Variants in PCDHGA8 observed in about 807,000 individuals in gnomAD.
PCDHGA8 encodes protocadherin gamma subfamily A, 8.
A neutral mutation model predicts 59.2 loss-of-function variants in PCDHGA8; 45 were observed. The observed-to-expected ratio is 0.76, with a 90% confidence interval of 0.60 to 0.98. The LOEUF (loss-of-function observed/expected upper bound fraction) is 0.98. PCDHGA8 is among the 50% of genes least tolerant of loss of function. The pLI is 0.00. For missense variants in PCDHGA8, 1,257 were observed against 1,196.2 expected (o/e 1.05, Z -0.75); for synonymous variants, 531 against 519.0 (o/e 1.02, Z -0.32).
At chr5:141,427,944 A>C (rs780874108) in intron 1 of PCDHGA8, 63 of 1,586,294 alleles carry the variant, frequency 4.0e-5, no homozygotes, top group Non-Finnish European at 8.6e-6. Context: ...GGGCGACCTC[A>C]ATGACAATGT....
At chr5:141,494,522 G>C (rs2099754911) in intron 1 of PCDHGA8, among the ~76,000 whole-genome samples, 1 of 152,196 alleles carries the variant, frequency 6.6e-6, no homozygotes, top group Non-Finnish European at 1.5e-5. Flanking sequence ...CAGGAGTTCT[G>C]ACTCTGGGGG....
At position 141,493,444 on chromosome 5, in the gene PCDHGA8, G is replaced by T. The variant is rs2099748313; in HGVS notation, c.2425-1363G>T. On this transcript the variant is annotated intron_variant, in intron 1 of 3. Transcript: ENST00000398604. This position sits in a 1 kb window ranked among gnomAD's most constrained non-coding sequence, Gnocchi z 4.3. ...GCTTCTGCTGGGATGGGGCAAGGGT[G>T]GGGTTCCTTCCCTTTTAGGACCTTA... Among the ~76,000 whole-genome samples, 1 of 152,174 alleles carries T rather than the reference G, an allele frequency of 6.6e-6. No homozygotes were observed. Among genetic ancestry groups the T allele is most frequent in the South Asian group, 2.1e-4 (1 of 4,826 alleles).
intron 1 of PCDHGA8, chr5:141,419,136 A>G: frequency 1.9e-6 from 3 of 1,613,918 alleles, no homozygotes; most frequent in Non-Finnish European, 1.7e-6. Context: ...GCAGCCACAG[A>G]CAGGGGCAAG....
intron 1 of PCDHGA8, among the ~76,000 whole-genome samples, chr5:141,444,880 G>A (rs527554886): frequency 6.6e-6 from 1 of 152,150 alleles, no homozygotes; most frequent in Non-Finnish European, 1.5e-5. Context: ...AAGCTTGTAG[G>A]ATTTTTGAAT....
chr5:141,476,078 C>G lies in PCDHGA8; in HGVS notation c.2425-18729C>G. On this transcript the variant is annotated intron_variant, in intron 1 of 3. Transcript: ENST00000398604. The surrounding 1 kb of genome is among the most constrained non-coding windows in gnomAD (Gnocchi z 7.6). ...AAGTTTCTCAGCGAAATCTCAGGGA[C>G]GATCTGGACCCCGCTGAGAGGAACT... is the stretch of plus-strand genomic sequence containing the variant. 1 of 1,528,034 alleles carries G rather than the reference C, an allele frequency of 6.5e-7. No homozygotes were observed. 94.7% of individuals were successfully genotyped at this position (1,528,034 alleles called of 1,614,324 possible).
rs747283905 is a variant in PCDHGA8, at chr5:141,491,693, G to A, written c.2425-3114G>A. On this transcript the variant is annotated intron_variant, in intron 1 of 3. Transcript: ENST00000398604. The surrounding 1 kb of genome is among the most constrained non-coding windows in gnomAD (Gnocchi z 6.9). ...TCCCGCTCTAATACGCTGCGGGAGC[G>A]GAGCCAGGTGAGGGGCTCGGCGCCG... 3.7e-5 allele frequency: 59 copies of A among 1,612,434 alleles called. No homozygotes were observed. Among genetic ancestry groups the A allele is most frequent in the Non-Finnish European group, 4.7e-5 (55 of 1,179,352 alleles).
At chr5:141,413,001 G>C in intron 1 of PCDHGA8, 1 of 592,908 alleles carries the variant, frequency 1.7e-6, no homozygotes, top group Non-Finnish European at 2.8e-6. Flanking sequence ...CGGATTCTCA[G>C]GGCTTCAACT....
chr5:141,454,796 ATTTTTTTTTT>A (rs61612330), intron 1 of PCDHGA8, among the ~76,000 whole-genome samples: 11 of 77,458 alleles, frequency 1.4e-4, no homozygotes, highest in East Asian at 8.0e-4. Flanking sequence ...CATGGTTCTA[ATTTTTTTTTT>A]TTTTTTTTTT....
chr5:141,476,687 A>G lies in PCDHGA8; in HGVS notation c.2425-18120A>G. 1 of 1,614,212 alleles carries G rather than the reference A, an allele frequency of 6.2e-7. No individual in the cohort carries two copies. Among genetic ancestry groups the G allele is most frequent in the Non-Finnish European group, 8.5e-7 (1 of 1,180,044 alleles). On this transcript the variant is annotated intron_variant, in intron 1 of 3. Transcript: ENST00000398604. This position sits in a 1 kb window ranked among gnomAD's most constrained non-coding sequence, Gnocchi z 7.6. ...TCGCGTGCAGACGCGGGAGGACAGC[A>G]CCAAGTACGCGGAGCTGGTGTTGGA... is the stretch of plus-strand genomic sequence containing the variant.
intron 1 of PCDHGA8, chr5:141,433,309 T>C: frequency 1.1e-6 from 1 of 901,134 alleles, no homozygotes; most frequent in Admixed American, 2.7e-5. Context: ...TTATCCCACC[T>C]TTGCCTCCGG....
chr5:141,494,899 C>T, intron 2 of PCDHGA8, 34 bp downstream of exon 2: 1 of 1,614,116 alleles, frequency 6.2e-7, no homozygotes, highest in Non-Finnish European at 8.5e-7. Context: ...ACCCTCTTCT[C>T]TGCGGCATTT....
chr5:141,475,978 G>C, intron 1 of PCDHGA8: 1 of 1,010,712 alleles, frequency 9.9e-7, no homozygotes, highest in Non-Finnish European at 1.4e-6. Context: ...AGACTGAACA[G>C]CCGGCGAGCA....
chr5:141,466,375 C>A (rs2099121518), intron 1 of PCDHGA8, among the ~76,000 whole-genome samples: 1 of 152,042 alleles, frequency 6.6e-6, no homozygotes, highest in Non-Finnish European at 1.5e-5. Context: ...GGTTTTGGCA[C>A]CCATCTAATG....
In PCDHGA8 at chr5:141,511,261, G is replaced by A; in HGVS notation, c.*88G>A. On this transcript the variant is annotated 3_prime_UTR_variant, in exon 4 of 4. Transcript: ENST00000398604. The stretch of plus-strand genomic sequence containing the variant: ...CTGCACCCAGGCCTCAGAGTTTCAG[G>A]GCTAACCCCCAGAATACTGGTAGGG... 2 of 1,557,474 alleles carry A rather than the reference G, an allele frequency of 1.3e-6. No homozygotes were observed. The highest frequency in any genetic ancestry group is 1.4e-5 in the African/African-American group (1 of 73,440).
chr5:141,489,073 C>A lies in PCDHGA8; in HGVS notation c.2425-5734C>A, dbSNP rs2099681983. 3.2e-6 allele frequency: 1 copy of A among 315,630 alleles called. No individual in the cohort carries two copies. The highest frequency in any genetic ancestry group is 5.7e-6 in the Non-Finnish European group (1 of 173,976). 19.6% of individuals were successfully genotyped at this position (315,630 alleles called of 1,614,324 possible). A position where few individuals can be genotyped will look rare whatever the true frequency, so the allele number is the denominator to read the frequency against. ...ATTCAGCTCCCCTCCCCCCTGCCCA[C>A]CCCCGCCACTCGGTGACTAAGAACT... On this transcript the variant is annotated intron_variant, in intron 1 of 3. Coordinates refer to ENST00000398604, the MANE Select transcript of PCDHGA8 (RefSeq NM_032088.2). The surrounding 1 kb of genome is among the most constrained non-coding windows in gnomAD (Gnocchi z 4.5).
At chr5:141,488,062 T>C (rs1488970442) in intron 1 of PCDHGA8, among the ~76,000 whole-genome samples, 1 of 152,152 alleles carries the variant, frequency 6.6e-6, no homozygotes, top group Non-Finnish European at 1.5e-5. Flanking sequence ...AAATAAAATC[T>C]TTGTCTCCCA....
intron 1 of PCDHGA8, among the ~76,000 whole-genome samples, chr5:141,433,790 T>A (rs1052636810): frequency 2.0e-5 from 3 of 151,564 alleles, no homozygotes; most frequent in South Asian, 4.2e-4. Flanking sequence ...TGAGCTGAGA[T>A]TGTGCCATTG....
At chr5:141,481,963 TA>T (rs1158466251) in intron 1 of PCDHGA8, among the ~76,000 whole-genome samples, 1 of 148,746 alleles carries the variant, frequency 6.7e-6, no homozygotes, top group Non-Finnish European at 1.5e-5. Context: ...CAGGTGCCTG[TA>T]GTCACAGCTA....
In PCDHGA8 at chr5:141,432,845, G is replaced by A. The variant is rs1299464282; in HGVS notation, c.2424+37608G>A. The A allele has an allele frequency of 1.2e-6, 2 of 1,614,076 alleles. No individual in the cohort carries two copies. The highest frequency in any genetic ancestry group is 8.5e-7 in the Non-Finnish European group (1 of 1,180,024). ...AGACCTCACTCTGTACCTGGTGGTA[G>A]CGGTGGCCGCGGTCTCCTGCGTCTT... On this transcript the variant is annotated intron_variant, in intron 1 of 3. Coordinates refer to ENST00000398604, the MANE Select transcript of PCDHGA8 (RefSeq NM_032088.2). This position sits in a 1 kb window ranked among gnomAD's most constrained non-coding sequence, Gnocchi z 6.0.
Sources: gnomAD v4.1 joint callset for allele counts (sites outside exome capture counted in the v4.1 genomes callset) on GRCh38, gnomAD v4.1.1 for gene constraint, Gnocchi (gnomAD v3.1) non-coding constraint, MANE v1.5 for transcripts, NCBI Gene and HGNC (gene_info 2026-07-23, HGNC 2026-07-21) for gene names.